Variants in USP18 observed in about 807,000 individuals in gnomAD.
The protein encoded by USP18 is ubiquitin specific peptidase 18.
In USP18, 11 loss-of-function variants were observed where a neutral mutation model predicts 48.7. The observed-to-expected ratio is 0.23, with a 90% CI of 0.14 to 0.37. The LOEUF is 0.37. Among genes scored for constraint, USP18 ranks in the 10% least tolerant of loss-of-function variants. USP18 has a pLI of 1.00. For synonymous variants in USP18, 114 were observed against 163.2 expected (o/e 0.70, Z 2.30); for missense variants, 285 against 436.4 (o/e 0.65, Z 3.09).
intron 1 of USP18, among the ~76,000 whole-genome samples, chr22:18,153,436 A>T (rs1032878380): frequency 1.3e-5 from 2 of 151,628 alleles, no homozygotes; most frequent in Non-Finnish European, 2.9e-5. Context: ...TCTCAAAAAA[A>T]AAAAAGGAGA....
At chr22:18,157,515 C>T (rs1392438887) in intron 1 of USP18, 43 bp from the exon 2 acceptor site, 43 of 999,032 alleles carry the variant, frequency 4.3e-5, no homozygotes, top group Non-Finnish European at 3.8e-5. Context: ...AATACACATT[C>T]CTCCTTCTCT....
Position 18,173,117 on chromosome 22 carries a change from T to C in USP18, c.892-33T>C. The C allele has an allele frequency of 3.1e-6, 5 of 1,601,730 alleles. No individual in the cohort carries two copies. The East Asian group carries it at 6.7e-5, about 21-fold the overall frequency. ...TGTGAGGCAGTCGTGTTTGTGGTGG[T>C]GGGTGAACTGTCTCGTGCCTGTCTC... On this transcript the variant is annotated intron_variant, in intron 8 of 10. Transcript: ENST00000215794.
Position 18,157,653 on chromosome 22 carries a change from A to T in USP18, c.-11A>T. ...GGCAGCTGCGGCCTGGGGGTTTTGG[A>T]GTGATCACGAATGAGCAAGGCGTTT... is the stretch of plus-strand genomic sequence containing the variant. On this transcript the variant is annotated 5_prime_UTR_variant, in exon 2 of 11. Transcript: ENST00000215794. 1 of 1,613,680 alleles carries T rather than the reference A, an allele frequency of 6.2e-7. No individual in the cohort carries two copies. Among genetic ancestry groups the T allele is most frequent in the Non-Finnish European group, 8.5e-7 (1 of 1,179,864 alleles).
At position 18,173,832 on chromosome 22, in the gene USP18, A is replaced by G; in HGVS notation, c.1063A>G (p.Asn355Asp). Reference protein sequence around the residue: ...EDIQCTYGNPNYHWQETAYLL... With the variant: ...EDIQCTYGNPDYHWQETAYLL... The stretch of plus-strand genomic sequence containing the variant: ...CATCCAGTGTACCTACGGAAATCCT[A>G]ACTACCACTGGTAAGAAACAGATTT... Residue 355 changes from asparagine to aspartate, a missense_variant, in exon 10 of 11, where the codon AAC (asparagine) becomes GAC (aspartate). Asn to Asp is a conservative substitution (Grantham distance 23). Transcript: ENST00000215794. 1 of 1,602,862 alleles carries G rather than the reference A, an allele frequency of 6.2e-7. No homozygotes were observed. Among genetic ancestry groups the G allele is most frequent in the Non-Finnish European group, 8.5e-7 (1 of 1,171,326 alleles).
intron 9 of USP18, 52 bp from the exon 10 acceptor site, chr22:18,173,741 G>T (rs1275977279): frequency 3.1e-6 from 5 of 1,604,666 alleles, no homozygotes; most frequent in Non-Finnish European, 4.3e-6. Flanking sequence ...CCTGTCCTCT[G>T]TGGGTGCTTG....
At chr22:18,153,633 T>C (rs1236028004) in intron 1 of USP18, among the ~76,000 whole-genome samples, 1 of 152,120 alleles carries the variant, frequency 6.6e-6, no homozygotes, top group Non-Finnish European at 1.5e-5. Flanking sequence ...TTTTATTTTA[T>C]TTAGGCAACA....
At chr22:18,167,637 G>C (rs912575574) in intron 5 of USP18, among the ~76,000 whole-genome samples, 2 of 148,648 alleles carry the variant, frequency 1.3e-5, no homozygotes, top group African/African-American at 5.0e-5. Context: ...AGCGGAGCTT[G>C]CAGTGAGCCG....
intron 1 of USP18, among the ~76,000 whole-genome samples, chr22:18,154,499 T>C (rs966877629): frequency 2.6e-5 from 4 of 152,122 alleles, no homozygotes; most frequent in African/African-American, 9.7e-5. Context: ...CAGGCTGGAG[T>C]GTAGTGGCAC....
intron 4 of USP18, 34 bp from the exon 5 acceptor site, chr22:18,167,221 T>C (rs745698385): frequency 5.0e-6 from 8 of 1,611,660 alleles, no homozygotes; most frequent in Non-Finnish European, 6.8e-6. Flanking sequence ...TCTGAAGACC[T>C]CACTAATTGG....
At chr22:18,156,562 C>T (rs1156578919) in intron 1 of USP18, among the ~76,000 whole-genome samples, 1 of 152,010 alleles carries the variant, frequency 6.6e-6, no homozygotes, top group Non-Finnish European at 1.5e-5. Context: ...GCCTTAAGAG[C>T]TGTAACACTC....
At chr22:18,175,830 A>G (rs149087722) in intron 10 of USP18, among the ~76,000 whole-genome samples, 1 of 150,242 alleles carries the variant, frequency 6.7e-6, no homozygotes, top group African/African-American at 2.5e-5. Flanking sequence ...AAAAATTATT[A>G]TAGCTAGGCA....
rs1602534295 is a variant in USP18, at chr22:18,174,061, C to T, written c.1073+219C>T. Among the ~76,000 whole-genome samples the T allele has an allele frequency of 2.6e-5, 4 of 152,122 alleles. No individual in the cohort carries two copies. The South Asian group carries it at 6.2e-4, about 24-fold the overall frequency. ...CCAATCAGCCGTGCCCTCCATCTCC[C>T]GTCTGCTGTGCACATGCACTTCCTG... On this transcript the variant is annotated intron_variant, in intron 10 of 10. Transcript: ENST00000215794.
chr22:18,167,476 T>G lies in USP18; in HGVS notation c.480+142T>G. 7 of 1,027,496 alleles carry G rather than the reference T, an allele frequency of 6.8e-6. No homozygotes were observed. In the South Asian group the frequency reaches 9.7e-5, roughly 14 times the overall value. The allele number at this position is 1,027,496 out of a possible 1,614,324, so 63.6% of individuals were successfully genotyped here. A position where few individuals can be genotyped will look rare whatever the true frequency, so the allele number is the denominator to read the frequency against. ...ACTTTGGGAGGCTGAGGCAGGCGGA[T>G]CACGAGGTCAGGAGATCGAGACCAT... On this transcript the variant is annotated intron_variant, in intron 5 of 10. Coordinates refer to ENST00000215794, the MANE Select transcript of USP18 (RefSeq NM_017414.4).
At chr22:18,153,223 G>C (rs975986571) in intron 1 of USP18, among the ~76,000 whole-genome samples, 5 of 152,176 alleles carry the variant, frequency 3.3e-5, no homozygotes, top group African/African-American at 1.2e-4. Context: ...GAGGTCAGGA[G>C]TTCAAGACCA....
At chr22:18,156,951 G>C (rs1929169710) in intron 1 of USP18, among the ~76,000 whole-genome samples, 1 of 139,354 alleles carries the variant, frequency 7.2e-6, no homozygotes, top group Non-Finnish European at 1.5e-5. Flanking sequence ...AGCTGTGCTG[G>C]GTTGGGGGAG....
chr22:18,169,418 C>T (rs572168009), intron 6 of USP18, among the ~76,000 whole-genome samples: 1 of 152,262 alleles, frequency 6.6e-6, no homozygotes, highest in East Asian at 1.9e-4. Flanking sequence ...CTACTAAAAA[C>T]ATAAAAAAAT....
At chr22:18,160,050 G>T in intron 2 of USP18, 122 bp from the exon 3 acceptor site, 1 of 904,314 alleles carries the variant, frequency 1.1e-6, no homozygotes, top group Non-Finnish European at 1.9e-6. Context: ...CCGACCTCAG[G>T]TGATCCGCCC....
chr22:18,152,255 C>A (rs900571689), intron 1 of USP18, among the ~76,000 whole-genome samples: 1 of 151,830 alleles, frequency 6.6e-6, no homozygotes, highest in African/African-American at 2.4e-5. Context: ...GGCAGAGAGT[C>A]CAGTTGTGAG....
chr22:18,173,067 G>C, intron 8 of USP18, 83 bp from the exon 9 acceptor site: 5 of 1,599,824 alleles, frequency 3.1e-6, no homozygotes, highest in Non-Finnish European at 4.3e-6. Context: ...CCCAGAGTCG[G>C]GCCTAGTGTG....
Sources: allele counts gnomAD v4.1 joint callset (sites outside exome capture counted in the v4.1 genomes callset), GRCh38; gene constraint gnomAD v4.1.1; transcripts MANE v1.5; gene names NCBI Gene and HGNC (gene_info 2026-07-23, HGNC 2026-07-21).